Variants in SVEP1 observed in about 807,000 individuals in gnomAD.
The protein encoded by SVEP1 is sushi, von Willebrand factor type A, EGF and pentraxin domain-containing protein 1.
In SVEP1, 164 loss-of-function variants were observed where a neutral mutation model predicts 367.3. The ratio of observed to expected loss-of-function variants is 0.45; its 90% confidence interval spans 0.39 to 0.51. The LOEUF (loss-of-function observed/expected upper bound fraction) is 0.51. Ranked by LOEUF, SVEP1 falls within the 20% of genes least tolerant of loss-of-function variation. The probability of loss-of-function intolerance (pLI) is 0.00; values close to 1 mark genes in which losing one functional copy is unlikely to be tolerated. For missense variants in SVEP1, 4,117 were observed against 4,425.3 expected, an observed-to-expected ratio of 0.93 and a Z score of 1.98; for synonymous variants, 1,666 against 1,611.6, an observed-to-expected ratio of 1.03 and a Z score of -0.81.
intron 30 of SVEP1, among the ~76,000 whole-genome samples, chr9:110,433,323 C>T (rs1243636001): frequency 4.4e-5 from 6 of 134,960 alleles, no homozygotes; most frequent in Non-Finnish European, 9.1e-5. Flanking sequence ...CAAACAAAAT[C>T]CCTGCCTTAT....
chr9:110,513,664 TTTC>T (rs1419799210), intron 4 of SVEP1, among the ~76,000 whole-genome samples: 1 of 152,168 alleles, frequency 6.6e-6, no homozygotes, highest in African/African-American at 2.4e-5. Context: ...AATTGTGGCT[TTTC>T]TTTTTTTGAT....
At chr9:110,459,705 G>A (rs1481621217) in intron 18 of SVEP1, among the ~76,000 whole-genome samples, 2 of 151,974 alleles carry the variant, frequency 1.3e-5, no homozygotes, top group Non-Finnish European at 2.9e-5. Flanking sequence ...AAAAAAATAA[G>A]TAGTTCCAAT....
At chr9:110,368,986 C>T (rs1429699437) in intron 47 of SVEP1, among the ~76,000 whole-genome samples, 1 of 152,074 alleles carries the variant, frequency 6.6e-6, no homozygotes, top group African/African-American at 2.4e-5. Flanking sequence ...TAAAAGTTTT[C>T]AGTTAACTGA....
In SVEP1 at chr9:110,366,606, T is replaced by A. The variant is rs749109767; in HGVS notation, c.10695-46A>T. The A allele has an allele frequency of 3.3e-6, 5 of 1,502,490 alleles. No homozygotes were observed. The African/African-American group carries it at 4.3e-5, about 13-fold the overall frequency. 93.1% of individuals were successfully genotyped at this position (1,502,490 alleles called of 1,614,324 possible). ...AACCAAATAGATTCAAAAGAAAAAA[T>A]TGAACTGAAGAGCTAACATCTCTTT... On this transcript the variant is annotated intron_variant, in intron 47 of 47. Coordinates refer to ENST00000374469, the MANE Select transcript of SVEP1 (RefSeq NM_153366.4).
chr9:110,434,219 A>G lies in SVEP1; in HGVS notation c.5059+117T>C, dbSNP rs113374309. 5.2e-6 allele frequency: 6 copies of G among 1,146,150 alleles called. No individual in the cohort carries two copies. In the African/African-American group the frequency reaches 7.8e-5, roughly 15 times the overall value. 71.0% of individuals were successfully genotyped at this position (1,146,150 alleles called of 1,614,324 possible). A position where few individuals can be genotyped will look rare whatever the true frequency, so the allele number is the denominator to read the frequency against. On this transcript the variant is annotated intron_variant, in intron 30 of 47. Coordinates refer to ENST00000374469, the MANE Select transcript of SVEP1 (RefSeq NM_153366.4). ...ATTAAACAAAGAAAAGGTTCAATGA[A>G]TATTTGGTATATTTGCTACTGTGAA...
rs773226139 is a variant in SVEP1, at chr9:110,512,926, C to T, written c.1303G>A (p.Val435Ile). The T allele has an allele frequency of 1.2e-6, 2 of 1,613,916 alleles. No individual in the cohort carries two copies. The highest frequency in any genetic ancestry group is 1.3e-5 in the African/African-American group (1 of 75,012). Residue 435 changes from valine (V) to isoleucine (I), a missense_variant and splice_region_variant, in exon 5 of 48, where the codon GTA becomes ATA. By Grantham distance (29) the Val-to-Ile change is conservative (BLOSUM62 3). This residue lies in a region of SVEP1 where 2,174 missense variants were observed against 2,494.3 expected (regional missense o/e 0.87). Transcript: ENST00000374469. ...CAATGTAAATTGGCAGTTTGCATAC[C>T]TCTGCAGTAGCTCTCTGAACCGGAC... The part of the protein sequence containing the change: ...LWSGSESYCR[V>I]RTCPHLRQPK...
chr9:110,387,954 C>A (rs1827552111), intron 41 of SVEP1, among the ~76,000 whole-genome samples: 1 of 144,334 alleles, frequency 6.9e-6, no homozygotes, highest in Non-Finnish European at 1.5e-5. Flanking sequence ...TATTTTTCAT[C>A]TGAAATTTAA....
chr9:110,392,110 T>G (rs1827664158), intron 40 of SVEP1, among the ~76,000 whole-genome samples: 1 of 146,736 alleles, frequency 6.8e-6, no homozygotes, highest in Non-Finnish European at 1.5e-5. Flanking sequence ...TTAGCCTCCA[T>G]TAACTTGTGA....
intron 8 of SVEP1, among the ~76,000 whole-genome samples, chr9:110,490,837 A>T (rs1829355842): frequency 6.6e-6 from 1 of 151,984 alleles, no homozygotes; most frequent in Non-Finnish European, 1.5e-5. Context: ...CTAAGATTAA[A>T]TTCTCAAGTT....
intron 25 of SVEP1, 69 bp from the exon 26 acceptor site, chr9:110,446,107 G>A: frequency 7.1e-7 from 1 of 1,406,038 alleles, no homozygotes; most frequent in African/African-American, 1.4e-5. Context: ...AGAGGAAGCA[G>A]TGCTATTGTC....
At chr9:110,562,512 G>C (rs529050710) in intron 1 of SVEP1, among the ~76,000 whole-genome samples, 29 of 152,194 alleles carry the variant, frequency 1.9e-4, no homozygotes, top group African/African-American at 6.7e-4. Context: ...AATGGCCCAA[G>C]TATTACATAT....
At chr9:110,482,611 C>A (rs763141338) in intron 10 of SVEP1, 119 bp from the exon 11 acceptor site, 23 of 1,180,938 alleles carry the variant, frequency 1.9e-5, no homozygotes, top group Non-Finnish European at 2.7e-5. Context: ...ACTGCAACCT[C>A]CACCTCCCAG....
intron 28 of SVEP1, 81 bp downstream of exon 28, chr9:110,436,299 G>C: frequency 6.6e-7 from 1 of 1,524,846 alleles, no homozygotes; most frequent in Non-Finnish European, 8.9e-7. Flanking sequence ...AATAAGTTAT[G>C]TCATCATTAG....
At chr9:110,434,170 C>T (rs1282858112) in intron 30 of SVEP1, among the ~76,000 whole-genome samples, 166 bp downstream of exon 30, 1 of 152,192 alleles carries the variant, frequency 6.6e-6, no homozygotes, top group Non-Finnish European at 1.5e-5. Flanking sequence ...TCACCCATCT[C>T]CTTCATGATG....
At chr9:110,508,780 A>AG (rs1564162745) in intron 5 of SVEP1, among the ~76,000 whole-genome samples, 1 of 143,524 alleles carries the variant, frequency 7.0e-6, no homozygotes, top group South Asian at 2.2e-4. Flanking sequence ...AAAAAAAAAA[A>AG]AAAGAAAGAA....
At chr9:110,376,159 T>G (rs1485889354) in intron 45 of SVEP1, among the ~76,000 whole-genome samples, 1 of 152,220 alleles carries the variant, frequency 6.6e-6, no homozygotes, top group East Asian at 1.9e-4. Context: ...TGGTTAGCAA[T>G]GCAGATATCA....
rs1417242207 is a variant in SVEP1 at position 110,546,218 on chromosome 9, G to A, written c.861C>T (p.Cys287=). 3 of 1,584,760 alleles carry A rather than the reference G, an allele frequency of 1.9e-6. No homozygotes were observed. The highest frequency in any genetic ancestry group is 2.6e-6 in the Non-Finnish European group (3 of 1,164,976). ...CSYLCDEGKD[C]CDRMGSCKCG... is the part of the protein sequence containing the mutation. ...ATTTGCAGCTTCCCATTCGGTCACA[G>A]CAGTCCTTGCCTTCATCACAAAGAT... Residue 287 remains cysteine (C), a synonymous_variant, in exon 3 of 48, where the codon TGC becomes TGT. Transcript: ENST00000374469.
rs201239835 is a variant in SVEP1 at position 110,406,577 on chromosome 9, G to A, written c.9023C>T (p.Ser3008Phe). Residue 3008 changes from serine to phenylalanine, a missense_variant, in exon 38 of 48, where the codon TCC becomes TTC. Transcript: ENST00000374469. ...AGTTCCATATTCAATTACTGGTGTG[G>A]AACATCTGCAAGGCAGGCAGGAAGG... ...SSPSCLPCRC[S>F]TPVIEYGTVN... 1.2e-6 allele frequency: 2 copies of A among 1,613,692 alleles called. No homozygotes were observed. Among genetic ancestry groups the A allele is most frequent in the Non-Finnish European group, 1.7e-6 (2 of 1,179,798 alleles).
At chr9:110,413,601 T>C (rs1828077012) in intron 36 of SVEP1, among the ~76,000 whole-genome samples, 1 of 152,000 alleles carries the variant, frequency 6.6e-6, no homozygotes, top group Admixed American at 6.5e-5. Flanking sequence ...TCAATCAGTA[T>C]GAATAAATTT....
Sources: gnomAD v4.1 joint callset for allele counts (sites outside exome capture counted in the v4.1 genomes callset) on GRCh38, gnomAD v4.1.1 for gene constraint, gnomAD v4.1.1 regional missense constraint, MANE v1.5 for transcripts, NCBI Gene and HGNC (gene_info 2026-07-23, HGNC 2026-07-21) for gene names.